Variants in APP observed in about 807,000 individuals in gnomAD.
APP encodes the protein amyloid-beta precursor protein.
Under a neutral mutation model 101.4 loss-of-function variants are expected in APP, and 31 were observed. The ratio of observed to expected loss-of-function variants is 0.31; its 90% CI spans 0.23 to 0.41. The LOEUF (loss-of-function observed/expected upper bound fraction) is 0.41, where lower values mean the gene tolerates loss of function less well. APP is among the 10% of genes least tolerant of loss of function. The probability of loss-of-function intolerance (pLI) is 1.00; values close to 1 mark genes in which losing one functional copy is unlikely to be tolerated. For missense variants in APP, 839 were observed against 1,003.7 expected (o/e 0.84, Z 2.22); for synonymous variants, 366 against 364.4 (o/e 1.00, Z -0.05).
At chr21:25,881,849 TAAG>T in intron 17 of APP, 78 bp from the exon 18 acceptor site, 1 of 1,394,832 alleles carries the variant, frequency 7.2e-7, no homozygotes, top group South Asian at 1.2e-5. Context: ...AGTAAAAAGA[TAAG>T]GAGTACAGTA....
intron 6 of APP, among the ~76,000 whole-genome samples, chr21:26,012,975 CAACAAAACAAAACAA>C (rs146168082): frequency 0.81 from 120,077 of 147,668 alleles, 51,281 homozygotes; most frequent in Non-Finnish European, 0.96. Flanking sequence ...GACTCCATGT[CAACAAAACAAAACAA>C]AACAAAACAA....
chr21:25,890,639 T>C (rs759226696), intron 17 of APP, among the ~76,000 whole-genome samples: 7 of 142,606 alleles, frequency 4.9e-5, no homozygotes, highest in Non-Finnish European at 7.5e-5. Flanking sequence ...CTCAGGAAGC[T>C]GAGACAAGAG....
chr21:25,924,698 C>A (rs111538643), intron 13 of APP, among the ~76,000 whole-genome samples: 6,179 of 151,406 alleles, frequency 0.041, 422 homozygotes, highest in African/African-American at 0.14. Flanking sequence ...TTGATGGGTG[C>A]AGCAAACCAC....
At chr21:25,925,677 G>C (rs1433058424) in intron 13 of APP, among the ~76,000 whole-genome samples, 11 of 152,348 alleles carry the variant, frequency 7.2e-5, no homozygotes, top group Admixed American at 2.0e-4. Context: ...GCTCACGCCT[G>C]TAACCCCAGC....
chr21:26,166,867 CAAGT>C (rs1219811456), intron 1 of APP, among the ~76,000 whole-genome samples: 2 of 129,550 alleles, frequency 1.5e-5, no homozygotes, highest in Non-Finnish European at 3.2e-5. Flanking sequence ...ATCTGTCACT[CAAGT>C]GAGAGAGAGA....
At chr21:26,013,873 C>T (rs2043930922) in intron 6 of APP, among the ~76,000 whole-genome samples, 1 of 152,176 alleles carries the variant, frequency 6.6e-6, no homozygotes, top group Non-Finnish European at 1.5e-5. Context: ...TCCTGCTTCA[C>T]TCTGCCTCTA....
intron 5 of APP, among the ~76,000 whole-genome samples, chr21:26,044,557 G>A (rs1000903473): frequency 1.3e-5 from 2 of 151,664 alleles, no homozygotes; most frequent in African/African-American, 4.8e-5. Context: ...TTTCTTTTTT[G>A]AGGTGGAGTT....
intron 5 of APP, among the ~76,000 whole-genome samples, chr21:26,050,484 G>A (rs554742181): frequency 2.4e-4 from 37 of 151,776 alleles, no homozygotes; most frequent in African/African-American, 8.7e-4. Context: ...ACAAATCAAA[G>A]GTAGTTAAAA....
At chr21:26,163,777 C>A (rs2063548930) in intron 1 of APP, among the ~76,000 whole-genome samples, 1 of 152,172 alleles carries the variant, frequency 6.6e-6, no homozygotes, top group Non-Finnish European at 1.5e-5. Flanking sequence ...CACAGTATCA[C>A]CAGTTTCATA....
intron 1 of APP, among the ~76,000 whole-genome samples, chr21:26,162,291 G>C (rs1443067012): frequency 6.6e-6 from 1 of 152,212 alleles, no homozygotes; most frequent in Non-Finnish European, 1.5e-5. Context: ...CTGCACTTCA[G>C]CCTGGGTGAC....
intron 1 of APP, among the ~76,000 whole-genome samples, chr21:26,131,443 A>C (rs1422140187): frequency 6.6e-6 from 1 of 152,166 alleles, no homozygotes; most frequent in Non-Finnish European, 1.5e-5. Flanking sequence ...CAATACACTC[A>C]GTCAGTCACT....
intron 14 of APP, among the ~76,000 whole-genome samples, chr21:25,905,485 T>C (rs1316382459): frequency 6.6e-6 from 1 of 152,230 alleles, no homozygotes; most frequent in Non-Finnish European, 1.5e-5. Context: ...AATCTTATCT[T>C]ATTTTACAGT....
intron 13 of APP, among the ~76,000 whole-genome samples, chr21:25,926,957 C>T (rs986650203): frequency 2.4e-5 from 3 of 122,666 alleles, no homozygotes; most frequent in South Asian, 2.7e-4. Context: ...GAGCCGAGAT[C>T]GCGCCACTGC....
intron 1 of APP, among the ~76,000 whole-genome samples, chr21:26,113,813 T>C (rs1296471080): frequency 3.3e-5 from 5 of 152,228 alleles, no homozygotes; most frequent in East Asian, 1.9e-4. Context: ...TTCATTGTCT[T>C]GATCTTAGAA....
chr21:25,978,942 C>T (rs944467528), intron 9 of APP, among the ~76,000 whole-genome samples: 16 of 152,280 alleles, frequency 1.1e-4, no homozygotes, highest in Non-Finnish European at 2.1e-4. Context: ...CAGAGCAAGA[C>T]TCCATCTCCA....
chr21:26,091,677 C>T (rs1179774993), intron 2 of APP, among the ~76,000 whole-genome samples: 1 of 151,868 alleles, frequency 6.6e-6, no homozygotes, highest in Non-Finnish European at 1.5e-5. Context: ...GGTGGAGGAG[C>T]AAAGTGATTT....
chr21:26,054,339 C>A (rs778272658), intron 3 of APP, among the ~76,000 whole-genome samples: 1 of 152,308 alleles, frequency 6.6e-6, no homozygotes. Context: ...CCCCACAATT[C>A]CTGGCCTAGT....
chr21:25,935,775 G>C (rs1342576961), intron 13 of APP, among the ~76,000 whole-genome samples: 2 of 149,824 alleles, frequency 1.3e-5, no homozygotes, highest in African/African-American at 5.0e-5. Flanking sequence ...GGGAGGCGGA[G>C]GCTGTAGTGA....
chr21:26,084,808 G>C lies in APP; in HGVS notation c.355+5135C>G, dbSNP rs1440095530. 2.0e-5 allele frequency among the ~76,000 whole-genome samples: 3 copies of C among 152,022 alleles called. No homozygotes were observed. In the East Asian group the frequency reaches 5.8e-4, roughly 29 times the overall value. On this transcript the variant is annotated intron_variant, in intron 3 of 17. Transcript: ENST00000346798. ...ATGAACGTTATTTTCTTTTATTTTGGCATCATGGTGTTTTCAAAACTAAAG... is the reference window on the plus strand; with the variant it reads ...ATGAACGTTATTTTCTTTTATTTTGCCATCATGGTGTTTTCAAAACTAAAG...
Sources: gnomAD v4.1 joint callset for allele counts (sites outside exome capture counted in the v4.1 genomes callset) on GRCh38, gnomAD v4.1.1 for gene constraint, MANE v1.5 for transcripts, NCBI Gene and HGNC (gene_info 2026-07-23, HGNC 2026-07-21) for gene names.